The following FAM111B variants were observed in gnomAD, a reference collection of about 807,000 sequenced individuals.
The protein encoded by FAM111B is FAM111 trypsin like peptidase B.
FAM111B carries 1 observed loss-of-function variant against 2.8 expected under a neutral mutation model. That is an observed-to-expected ratio of 0.36 (90% CI 0.13 to 1.70). The LOEUF (loss-of-function observed/expected upper bound fraction) is 1.70, where lower values mean the gene tolerates loss of function less well. FAM111B is among the 40% of genes most tolerant of loss of function. The pLI is 0.35. For missense variants in FAM111B, 882 were observed against 878.9 expected (o/e 1.00, Z -0.04); for synonymous variants, 297 against 295.6 (o/e 1.00, Z -0.05).
At chr11:59,117,798 T>C (rs1859860672) in intron 3 of FAM111B, among the ~76,000 whole-genome samples, 1 of 152,214 alleles carries the variant, frequency 6.6e-6, no homozygotes, top group Non-Finnish European at 1.5e-5. Flanking sequence ...CTTCCTCCTG[T>C]TACCAGTGGA....
chr11:59,126,023 T>A lies in FAM111B; in HGVS notation c.1926T>A (p.Asp642Glu), dbSNP rs549145686. The A allele has an allele frequency of 6.2e-7, 1 of 1,613,952 alleles. No homozygotes were observed. Among genetic ancestry groups the A allele is most frequent in the African/African-American group, 1.3e-5 (1 of 75,052 alleles). ...EVWNTHTLSY[D>E]TCFSDGSSGS... Reference sequence around the variant, plus strand: ...GGAACACACACACGCTTAGTTATGATACTTGTTTCTCTGATGGGTCCTCAG... The same window carrying A: ...GGAACACACACACGCTTAGTTATGAAACTTGTTTCTCTGATGGGTCCTCAG... Residue 642 changes from aspartate (D) to glutamate (E), a missense_variant, in exon 4 of 4, where the codon GAT (aspartate) becomes GAA (glutamate). Transcript: ENST00000343597.
Position 59,125,102 on chromosome 11 carries a change from A to G in FAM111B, c.1005A>G (p.Lys335=), listed in dbSNP as rs1440687562. Residue 335 remains lysine (K), a synonymous_variant, in exon 4 of 4, where the codon AAA becomes AAG. Transcript: ENST00000343597. The stretch of plus-strand genomic sequence containing the variant: ...CTCAGGATCTAAGCCATTATATTAA[A>G]GATAAAACTCGCCAGACAATTCCCA... ...LPPQDLSHYI[K]DKTRQTIPRI... is the part of the protein sequence containing the mutation. 5 of 1,613,848 alleles carry G rather than the reference A, an allele frequency of 3.1e-6. No individual in the cohort carries two copies. Among genetic ancestry groups the G allele is most frequent in the Non-Finnish European group, 3.4e-6 (4 of 1,179,804 alleles).
At chr11:59,111,678 T>C (rs1859760621) in intron 3 of FAM111B, among the ~76,000 whole-genome samples, 1 of 152,160 alleles carries the variant, frequency 6.6e-6, no homozygotes, top group African/African-American at 2.4e-5. Flanking sequence ...CATGTGGCTG[T>C]GGAATTAGAC....
chr11:59,125,619 A>T lies in FAM111B; in HGVS notation c.1522A>T (p.Ile508Leu), dbSNP rs1860012764. ...CACACATCCAAGTTTGTGGCCAGAT[A>T]TAATTAGCAAATGTGCGAAGGTAAC... Reference protein sequence around the residue: ...KNTHPSLWPDIISKCAKVTFT... With the variant: ...KNTHPSLWPDLISKCAKVTFT... The change falls in exon 4 of 4, where the codon ATA becomes TTA. Residue 508 changes from isoleucine (I) to leucine (L), a missense_variant. Transcript: ENST00000343597. 2 of 1,614,002 alleles carry T rather than the reference A, an allele frequency of 1.2e-6. No homozygotes were observed. The highest frequency in any genetic ancestry group is 1.7e-6 in the Non-Finnish European group (2 of 1,179,868).
Position 59,125,465 on chromosome 11 carries a change from T to C in FAM111B, c.1368T>C (p.Tyr456=), listed in dbSNP as rs777531267. Residue 456 remains tyrosine (Y), a synonymous_variant, in exon 4 of 4, where the codon TAT becomes TAC. Transcript: ENST00000343597. ...VSVATCEQLT[Y]YSKSVGFMQW... ...TTGCAACCTGCGAACAGCTTACATA[T>C]TATAGCAAGTCAGTTGGGTTCATGC... The C allele has an allele frequency of 5.0e-6, 8 of 1,613,844 alleles. No homozygotes were observed. The highest frequency in any genetic ancestry group is 6.8e-6 in the Non-Finnish European group (8 of 1,179,852).
intron 3 of FAM111B, among the ~76,000 whole-genome samples, chr11:59,116,102 A>G (rs1859837882): frequency 2.0e-5 from 3 of 152,138 alleles, no homozygotes; most frequent in Admixed American, 2.0e-4. Context: ...GCTCTGCCCC[A>G]AGGCCTCGAG....
rs144940037 is a variant in FAM111B, at chr11:59,111,433, G to A, written c.81+1727G>A. Among the ~76,000 whole-genome samples the A allele has an allele frequency of 6.6e-5, 10 of 152,196 alleles. No homozygotes were observed. In the East Asian group the frequency reaches 1.9e-3, roughly 29 times the overall value. On this transcript the variant is annotated intron_variant, in intron 3 of 3. Transcript: ENST00000343597. ...TTCCTTCTGTAAATAAAGGAGATGTGTTTACAGACTTTATCTTTGTATTGC... is the reference window on the plus strand; with the variant it reads ...TTCCTTCTGTAAATAAAGGAGATGTATTTACAGACTTTATCTTTGTATTGC...
At chr11:59,113,407 G>A (rs1406545187) in intron 3 of FAM111B, among the ~76,000 whole-genome samples, 3 of 152,142 alleles carry the variant, frequency 2.0e-5, no homozygotes, top group Admixed American at 2.0e-4. Context: ...AATGTGACTG[G>A]TGCATTATTC....
At chr11:59,119,526 A>G (rs1385924246) in intron 3 of FAM111B, among the ~76,000 whole-genome samples, 1 of 152,230 alleles carries the variant, frequency 6.6e-6, no homozygotes, top group Non-Finnish European at 1.5e-5. Flanking sequence ...TGGCCAAAGT[A>G]GAAGCTCAGG....
intron 3 of FAM111B, among the ~76,000 whole-genome samples, chr11:59,115,008 A>G (rs1859818194): frequency 6.6e-6 from 1 of 152,144 alleles, no homozygotes. Flanking sequence ...AGCAAGTACA[A>G]AGGTTCAGAG....
chr11:59,119,603 G>GCTTA (rs1859890457), intron 3 of FAM111B, among the ~76,000 whole-genome samples: 1 of 151,990 alleles, frequency 6.6e-6, no homozygotes, highest in South Asian at 2.1e-4. Context: ...GCTATAATGG[G>GCTTA]CTTACTTTAT....
intron 3 of FAM111B, among the ~76,000 whole-genome samples, chr11:59,122,999 T>C (rs1397927714): frequency 1.3e-5 from 2 of 152,228 alleles, no homozygotes; most frequent in African/African-American, 4.8e-5. Flanking sequence ...TCTTGTCATA[T>C]AATATTTTTT....
At chr11:59,123,621 T>TG (rs1259380823) in intron 3 of FAM111B, among the ~76,000 whole-genome samples, 4 of 152,224 alleles carry the variant, frequency 2.6e-5, no homozygotes, top group Admixed American at 2.6e-4. Flanking sequence ...AATGAAAGGA[T>TG]GGATTACAAA....
intron 3 of FAM111B, among the ~76,000 whole-genome samples, chr11:59,113,857 G>T (rs1859799435): frequency 1.3e-5 from 2 of 152,236 alleles, no homozygotes; most frequent in Admixed American, 1.3e-4. Context: ...ACAGAAAACA[G>T]AGGGGAGGCA....
chr11:59,121,006 T>C (rs1859912465), intron 3 of FAM111B, among the ~76,000 whole-genome samples: 1 of 148,982 alleles, frequency 6.7e-6, no homozygotes, highest in South Asian at 2.1e-4. Context: ...TACTTGAAGC[T>C]ATGTACAAAA....
rs758746925 is a variant in FAM111B at position 59,125,347 on chromosome 11, G to T, written c.1250G>T (p.Arg417Leu). Residue 417 changes from arginine to leucine, a missense_variant, in exon 4 of 4, where the codon CGG becomes CTG. By Grantham distance (102) the Arg-to-Leu change is moderately radical. Coordinates refer to ENST00000343597, the MANE Select transcript of FAM111B (RefSeq NM_198947.4). The stretch of plus-strand genomic sequence containing the variant: ...GCACAGTGGGTAAGAAAATATTTTC[G>T]GGAAGAACAAAAGAGAATGAATCTT... ...EEAQWVRKYF[R>L]EEQKRMNLSP... is the part of the protein sequence containing the mutation. 1.2e-6 allele frequency: 2 copies of T among 1,613,786 alleles called. No individual in the cohort carries two copies. Among genetic ancestry groups the T allele is most frequent in the Non-Finnish European group, 1.7e-6 (2 of 1,179,810 alleles).
intron 3 of FAM111B, among the ~76,000 whole-genome samples, chr11:59,114,368 G>A (rs1262771331): frequency 1.3e-5 from 2 of 152,162 alleles, no homozygotes; most frequent in African/African-American, 4.8e-5. Context: ...AGTTGAGAGT[G>A]GAGGCTATTC....
rs937960191 is a variant in FAM111B at position 59,127,066 on chromosome 11, A to G, written c.*764A>G. On this transcript the variant is annotated 3_prime_UTR_variant, in exon 4 of 4. Transcript: ENST00000343597. ...GCATACTACACAGCCATAAAAAAGT[A>G]CAAGATCATGTGCTTTGCAGCAACA... The G allele has an allele frequency of 1.1e-4, 17 of 152,268 alleles. No individual in the cohort carries two copies. Among genetic ancestry groups the G allele is most frequent in the African/African-American group, 3.9e-4 (16 of 41,462 alleles). 9.4% of individuals were successfully genotyped at this position (152,268 alleles called of 1,614,324 possible). A position where few individuals can be genotyped will look rare whatever the true frequency, so the allele number is the denominator to read the frequency against.
At chr11:59,115,938 GA>G (rs1565187889) in intron 3 of FAM111B, among the ~76,000 whole-genome samples, 1 of 152,178 alleles carries the variant, frequency 6.6e-6, no homozygotes, top group Non-Finnish European at 1.5e-5. Context: ...AGCGGGTGTG[GA>G]AAAATGCATT....
Sources: allele counts gnomAD v4.1 joint callset (sites outside exome capture counted in the v4.1 genomes callset), GRCh38; gene constraint gnomAD v4.1.1; transcripts MANE v1.5; gene names NCBI Gene and HGNC (gene_info 2026-07-23, HGNC 2026-07-21).